The following SLC44A3 variants were observed in gnomAD, a reference collection of about 807,000 sequenced individuals.
SLC44A3 encodes choline transporter-like protein 3.
SLC44A3 carries 74 observed loss-of-function variants against 75.4 expected under a neutral mutation model. The ratio of observed to expected loss-of-function variants is 0.98; its 90% CI spans 0.81 to 1.19. SLC44A3 has a LOEUF of 1.19. Among genes scored for constraint, SLC44A3 ranks in the 50% most tolerant of loss-of-function variants. The pLI, the probability that SLC44A3 is intolerant of heterozygous loss-of-function variation, is 0.00. For missense variants in SLC44A3, 700 were observed against 778.6 expected, an observed-to-expected ratio of 0.90 and a Z score of 1.20; for synonymous variants, 310 against 296.9, an observed-to-expected ratio of 1.04 and a Z score of -0.45.
intron 9 of SLC44A3, among the ~76,000 whole-genome samples, chr1:94,846,766 A>G (rs2101104825): frequency 6.6e-6 from 1 of 152,384 alleles, no homozygotes; most frequent in Middle Eastern, 3.4e-3. Flanking sequence ...CCAGACTGAT[A>G]AGGACCACAG....
At chr1:94,835,701 G>A (rs1469942267) in intron 5 of SLC44A3, among the ~76,000 whole-genome samples, 2 of 152,104 alleles carry the variant, frequency 1.3e-5, no homozygotes, top group Non-Finnish European at 2.9e-5. Flanking sequence ...GTGGAGTCTG[G>A]CGTCTCATTT....
At chr1:94,823,525 C>T (rs963569791) in intron 2 of SLC44A3, among the ~76,000 whole-genome samples, 2 of 152,212 alleles carry the variant, frequency 1.3e-5, no homozygotes, top group Non-Finnish European at 2.9e-5. Context: ...AGGTTCTGGT[C>T]ATTCCTGTGT....
chr1:94,845,693 T>G (rs546629708), intron 9 of SLC44A3, among the ~76,000 whole-genome samples: 1 of 152,286 alleles, frequency 6.6e-6, no homozygotes, highest in East Asian at 1.9e-4. Context: ...GAGAATAAAT[T>G]CAGTAAGGAC....
chr1:94,872,275 A>G (rs1464440484), intron 12 of SLC44A3, among the ~76,000 whole-genome samples: 1 of 151,496 alleles, frequency 6.6e-6, no homozygotes, highest in Non-Finnish European at 1.5e-5. Flanking sequence ...CTGATTTTGT[A>G]TTTTTAGTAG....
intron 5 of SLC44A3, among the ~76,000 whole-genome samples, chr1:94,831,435 A>G (rs968957279): frequency 2.6e-5 from 4 of 152,214 alleles, no homozygotes; most frequent in African/African-American, 7.2e-5. Flanking sequence ...TTTTCTAAAT[A>G]CCTCTTTTTG....
At chr1:94,859,079 G>A (rs979840374) in intron 10 of SLC44A3, among the ~76,000 whole-genome samples, 1 of 152,200 alleles carries the variant, frequency 6.6e-6, no homozygotes, top group African/African-American at 2.4e-5. Flanking sequence ...GTTGCCCTTG[G>A]CATTGAGAAC....
At position 94,867,427 on chromosome 1, in the gene SLC44A3, T is replaced by A; in HGVS notation, c.1482+10T>A. ...GCTCCATCTCAACCAGGTACGTCTCTACCTCTTGCCTCAGGAACACACAGA... is the reference window on the plus strand; with the variant it reads ...GCTCCATCTCAACCAGGTACGTCTCAACCTCTTGCCTCAGGAACACACAGA... On this transcript the variant is annotated intron_variant, in intron 12 of 14. Coordinates refer to ENST00000271227, the MANE Select transcript of SLC44A3 (RefSeq NM_001114106.3). The A allele has an allele frequency of 6.3e-7, 1 of 1,598,172 alleles. No individual in the cohort carries two copies. The highest frequency in any genetic ancestry group is 8.5e-7 in the Non-Finnish European group (1 of 1,170,840).
At position 94,892,557 on chromosome 1, in the gene SLC44A3, C is replaced by G. The variant is rs202200093; in HGVS notation, c.1857+40C>G. The G allele has an allele frequency of 2.9e-5, 45 of 1,577,288 alleles. No homozygotes were observed. In the South Asian group the frequency reaches 4.1e-4, roughly 14 times the overall value. On this transcript the variant is annotated intron_variant, in intron 14 of 14. Coordinates refer to ENST00000271227, the MANE Select transcript of SLC44A3 (RefSeq NM_001114106.3). ...CATTTCCAATTGCAATCTCCATGCT[C>G]GCAATCTTGAAAGTTTTGTAAAGCT...
intron 12 of SLC44A3, among the ~76,000 whole-genome samples, chr1:94,873,719 C>T (rs930154965): frequency 2.6e-5 from 4 of 152,200 alleles, no homozygotes; most frequent in African/African-American, 9.6e-5. Context: ...TTTTCCACAT[C>T]AGGTTTGGTT....
intron 10 of SLC44A3, among the ~76,000 whole-genome samples, chr1:94,863,169 C>T (rs1367399847): frequency 6.6e-6 from 1 of 152,064 alleles, no homozygotes; most frequent in Non-Finnish European, 1.5e-5. Context: ...TTTTAAGTTC[C>T]GTCTCCCATC....
At chr1:94,874,104 G>A (rs9432602) in intron 12 of SLC44A3, among the ~76,000 whole-genome samples, 1 of 152,138 alleles carries the variant, frequency 6.6e-6, no homozygotes, top group Non-Finnish European at 1.5e-5. Context: ...TTGCATTAAG[G>A]CCCATTTATA....
chr1:94,854,135 G>T (rs555136136), intron 9 of SLC44A3, among the ~76,000 whole-genome samples: 10 of 152,190 alleles, frequency 6.6e-5, no homozygotes, highest in Admixed American at 5.2e-4. Context: ...AGATCACCAA[G>T]GGTGTGAGAA....
At position 94,827,510 on chromosome 1, in the gene SLC44A3, C is replaced by G. The variant is rs759571114; in HGVS notation, c.282C>G (p.His94Gln). Residue 94 changes from histidine (H) to glutamine (Q), a missense_variant, in exon 4 of 15, where the codon CAC (histidine) becomes CAG (glutamine). Transcript: ENST00000271227. ...TTCTGTTTCATCTATTTCCTAGACACGTGTTCTTTATGAATTCCTGCAACC... is the reference window on the plus strand; with the variant it reads ...TTCTGTTTCATCTATTTCCTAGACAGGTGTTCTTTATGAATTCCTGCAACC... ...LSGQDMTLKK[H>Q]VFFMNSCNLE... is the part of the protein sequence containing the mutation. 4 of 1,614,070 alleles carry G rather than the reference C, an allele frequency of 2.5e-6. No homozygotes were observed. In the South Asian group the frequency reaches 4.4e-5, roughly 18 times the overall value.
Position 94,849,138 on chromosome 1 carries a change from T to C in SLC44A3, c.1072+3674T>C, listed in dbSNP as rs372739975. ...CACTGCAAGAGAGACCTGGAGGTTA[T>C]TCTTCAGGGCTGAAGGTAGCGTGTC... On this transcript the variant is annotated intron_variant, in intron 9 of 14. Transcript: ENST00000271227. 4.6e-5 allele frequency among the ~76,000 whole-genome samples: 7 copies of C among 152,132 alleles called. No homozygotes were observed. The East Asian group carries it at 1.2e-3, about 25-fold the overall frequency.
In SLC44A3 at chr1:94,858,599, T is replaced by C. The variant is rs201737901; in HGVS notation, c.1238+1099T>C. ...AAATGAGAGAGAAACATGAGCTTCATTGGGAGAGACTATCTGCCAGGGGTG... is the reference window on the plus strand; with the variant it reads ...AAATGAGAGAGAAACATGAGCTTCACTGGGAGAGACTATCTGCCAGGGGTG... On this transcript the variant is annotated intron_variant, in intron 10 of 14. Transcript: ENST00000271227. 5.9e-5 allele frequency among the ~76,000 whole-genome samples: 9 copies of C among 152,312 alleles called. No individual in the cohort carries two copies. The East Asian group carries it at 7.7e-4, about 13-fold the overall frequency.
chr1:94,829,714 G>A (rs1408559756), intron 5 of SLC44A3, among the ~76,000 whole-genome samples: 2 of 152,162 alleles, frequency 1.3e-5, no homozygotes. Flanking sequence ...TGAAAAATGT[G>A]AGTATGTTTA....
intron 12 of SLC44A3, among the ~76,000 whole-genome samples, chr1:94,882,273 T>C (rs995614886): frequency 4.6e-5 from 7 of 152,186 alleles, no homozygotes; most frequent in Non-Finnish European, 7.3e-5. Context: ...CTCCAAAAGC[T>C]GTGGCCCACT....
intron 12 of SLC44A3, among the ~76,000 whole-genome samples, chr1:94,877,019 CT>C (rs1314034997): frequency 6.6e-6 from 1 of 152,010 alleles, no homozygotes; most frequent in African/African-American, 2.4e-5. Context: ...AGGTGACTAC[CT>C]GTCCTGGTCA....
rs1437652638 is a variant in SLC44A3 at position 94,893,979 on chromosome 1, C to T, written c.1858-839C>T. Among the ~76,000 whole-genome samples, 4 of 152,150 alleles carry T rather than the reference C, an allele frequency of 2.6e-5. No individual in the cohort carries two copies. The East Asian group carries it at 7.8e-4, about 30-fold the overall frequency. On this transcript the variant is annotated intron_variant, in intron 14 of 14. Transcript: ENST00000271227. Reference sequence around the variant, plus strand: ...GCACAGTGGCAGGCGCCTGTAATCTCAGCTGCTTAGGAGGCTGAGACAGGA... The same window carrying T: ...GCACAGTGGCAGGCGCCTGTAATCTTAGCTGCTTAGGAGGCTGAGACAGGA...
Sources: gnomAD v4.1 joint callset for allele counts (sites outside exome capture counted in the v4.1 genomes callset) on GRCh38, gnomAD v4.1.1 for gene constraint, MANE v1.5 for transcripts, NCBI Gene and HGNC (gene_info 2026-07-23, HGNC 2026-07-21) for gene names.